The following IFT88 variants were observed in gnomAD, a reference collection of about 807,000 sequenced individuals.
IFT88 encodes the protein intraflagellar transport 88, also known as intraflagellar transport protein 88 homolog.
Under a neutral mutation model 119.5 loss-of-function variants are expected in IFT88, and 74 were observed. That is an observed-to-expected ratio of 0.62 (90% CI 0.51 to 0.75). The LOEUF (loss-of-function observed/expected upper bound fraction) is 0.75, where lower values mean the gene tolerates loss of function less well. Among genes scored for constraint, IFT88 ranks in the 30% least tolerant of loss-of-function variants. The pLI, the probability that IFT88 is intolerant of heterozygous loss-of-function variation, is 0.00. For synonymous variants in IFT88, 279 were observed against 316.7 expected, an observed-to-expected ratio of 0.88 and a Z score of 1.26; for missense variants, 961 against 977.7, an observed-to-expected ratio of 0.98 and a Z score of 0.23.
intron 24 of IFT88, among the ~76,000 whole-genome samples, chr13:20,688,509 A>C (rs1408852755): frequency 1.3e-5 from 2 of 152,248 alleles, no homozygotes; most frequent in Admixed American, 1.3e-4. Context: ...AAGAACACCA[A>C]GCTGAAAATT....
At chr13:20,570,194 A>C (rs536864695) in intron 1 of IFT88, among the ~76,000 whole-genome samples, 9 of 152,360 alleles carry the variant, frequency 5.9e-5, no homozygotes, top group African/African-American at 2.2e-4. Context: ...ACTCACTAGA[A>C]TTGCAATAAT....
At chr13:20,643,757 G>C in intron 19 of IFT88, 152 bp downstream of exon 19, 1 of 650,166 alleles carries the variant, frequency 1.5e-6, no homozygotes, top group Admixed American at 3.2e-5. Flanking sequence ...GTTAGTTTTT[G>C]TTTTGTTTTG....
intron 2 of IFT88, among the ~76,000 whole-genome samples, chr13:20,578,331 G>C (rs1484323240): frequency 1.4e-5 from 2 of 140,676 alleles, no homozygotes; most frequent in Admixed American, 7.1e-5. Flanking sequence ...ACAGGCGTGA[G>C]TCATTGAGCC....
At chr13:20,652,194 C>G (rs2051848493) in intron 20 of IFT88, among the ~76,000 whole-genome samples, 1 of 151,944 alleles carries the variant, frequency 6.6e-6, no homozygotes, top group Non-Finnish European at 1.5e-5. Flanking sequence ...ATTGTACACC[C>G]AAGAATGGTA....
At chr13:20,641,642 C>T (rs1419860885) in intron 18 of IFT88, 1 of 338,118 alleles carries the variant, frequency 3.0e-6, no homozygotes, top group Non-Finnish European at 5.5e-6. Context: ...TTGAAAATAA[C>T]TGAAGTAATT....
At chr13:20,666,445 C>A (rs1317602516) in intron 23 of IFT88, among the ~76,000 whole-genome samples, 1 of 152,170 alleles carries the variant, frequency 6.6e-6, no homozygotes, top group African/African-American at 2.4e-5. Flanking sequence ...GGTTTCCAGA[C>A]CCCACTCTGG....
chr13:20,690,559 A>T, intron 24 of IFT88, 146 bp from the exon 25 acceptor site: 1 of 554,330 alleles, frequency 1.8e-6, no homozygotes, highest in Non-Finnish European at 3.3e-6. Flanking sequence ...AATTTCAGAA[A>T]ACAAGAATTA....
Position 20,599,570 on chromosome 13 carries a change from G to C in IFT88, c.812+5G>C. 2 of 1,215,180 alleles carry C rather than the reference G, an allele frequency of 1.6e-6. No individual in the cohort carries two copies. The highest frequency in any genetic ancestry group is 2.4e-6 in the Non-Finnish European group (2 of 843,864). 75.3% of individuals were successfully genotyped at this position (1,215,180 alleles called of 1,614,324 possible). A position where few individuals can be genotyped will look rare whatever the true frequency, so the allele number is the denominator to read the frequency against. The stretch of plus-strand genomic sequence containing the variant: ...AAGTGTCAATAAGCAAATGAGGTAA[G>C]TTTATAACAATAGATAATAATTGTA... On this transcript the variant is annotated splice_donor_5th_base_variant and intron_variant, in intron 11 of 25. Transcript: ENST00000351808.
chr13:20,660,965 A>T (rs1307034832), intron 22 of IFT88, among the ~76,000 whole-genome samples: 2 of 152,086 alleles, frequency 1.3e-5, no homozygotes, highest in Non-Finnish European at 2.9e-5. Context: ...AATACTTTTG[A>T]AAAAATGGAG....
At chr13:20,581,799 G>A (rs2038714893) in intron 2 of IFT88, among the ~76,000 whole-genome samples, 1 of 150,188 alleles carries the variant, frequency 6.7e-6, no homozygotes, top group Admixed American at 6.6e-5. Context: ...GCTGCGGTGA[G>A]CTGTGATCGC....
chr13:20,634,643 C>T (rs143901930), intron 16 of IFT88, among the ~76,000 whole-genome samples: 2,645 of 151,818 alleles, frequency 0.017, 66 homozygotes, highest in African/African-American at 0.061. Flanking sequence ...ATGAGAATTG[C>T]TTGAACTTGG....
intron 24 of IFT88, among the ~76,000 whole-genome samples, chr13:20,681,607 TC>T (rs1271950701): frequency 2.0e-5 from 3 of 152,252 alleles, no homozygotes; most frequent in African/African-American, 4.8e-5. Context: ...GAGTCAAAAG[TC>T]CTGGAAGAGT....
At chr13:20,581,456 G>A (rs893717137) in intron 2 of IFT88, among the ~76,000 whole-genome samples, 1 of 152,038 alleles carries the variant, frequency 6.6e-6, no homozygotes, top group African/African-American at 2.4e-5. Context: ...TAAAGTAGAA[G>A]TATAATAAAT....
intron 14 of IFT88, among the ~76,000 whole-genome samples, chr13:20,620,603 G>T (rs2046316791): frequency 6.6e-6 from 1 of 152,158 alleles, no homozygotes; most frequent in Non-Finnish European, 1.5e-5. Flanking sequence ...GTCTTACTCT[G>T]TCGCCAGGCT....
At chr13:20,608,772 A>G (rs752798582) in intron 13 of IFT88, among the ~76,000 whole-genome samples, 3 of 152,200 alleles carry the variant, frequency 2.0e-5, no homozygotes, top group Admixed American at 1.3e-4. Context: ...CAAAGGTTCC[A>G]AAGTGAAAAG....
intron 20 of IFT88, 39 bp downstream of exon 20, chr13:20,644,997 T>C: frequency 1.0e-6 from 1 of 963,010 alleles, no homozygotes; most frequent in Non-Finnish European, 1.6e-6. Flanking sequence ...GTTAATGTCA[T>C]GTCTTGAGTT....
intron 11 of IFT88, among the ~76,000 whole-genome samples, chr13:20,600,920 G>A (rs1193029686): frequency 6.6e-6 from 1 of 152,188 alleles, no homozygotes; most frequent in Non-Finnish European, 1.5e-5. Flanking sequence ...ACTATGAAAT[G>A]CTATTTGACA....
At chr13:20,628,081 A>G (rs944551537) in intron 15 of IFT88, among the ~76,000 whole-genome samples, 1 of 152,192 alleles carries the variant, frequency 6.6e-6, no homozygotes, top group Non-Finnish European at 1.5e-5. Flanking sequence ...GTGAAAAAGG[A>G]TTGGGTTGAC....
intron 21 of IFT88, 124 bp downstream of exon 21, chr13:20,654,052 A>G (rs771343380): frequency 8.5e-6 from 4 of 468,026 alleles, no homozygotes; most frequent in African/African-American, 4.0e-5. Flanking sequence ...ATAACTGTAC[A>G]TAATTCAAAG....
Sources: allele counts gnomAD v4.1 joint callset (sites outside exome capture counted in the v4.1 genomes callset), GRCh38; gene constraint gnomAD v4.1.1; transcripts MANE v1.5; gene names NCBI Gene and HGNC (gene_info 2026-07-23, HGNC 2026-07-21).